Variants in COX16 observed in about 807,000 individuals in gnomAD.
COX16 encodes cytochrome c oxidase assembly factor COX16.
A neutral mutation model predicts 15.4 loss-of-function variants in COX16; 12 were observed. The ratio of observed to expected loss-of-function variants is 0.78; its 90% CI spans 0.50 to 1.26. The LOEUF is 1.26. COX16 is among the 50% of genes most tolerant of loss of function. The pLI, the probability that COX16 is intolerant of heterozygous loss-of-function variation, is 0.00. For synonymous variants in COX16, 46 were observed against 41.1 expected (o/e 1.12, Z -0.46); for missense variants, 124 against 127.6 (o/e 0.97, Z 0.14).
intron 1 of COX16, among the ~76,000 whole-genome samples, chr14:70,355,520 C>G (rs1048522193): frequency 6.6e-6 from 1 of 152,230 alleles, no homozygotes; most frequent in African/African-American, 2.4e-5. Flanking sequence ...CCAGTACCAC[C>G]GGGTGAACAA....
chr14:70,335,882 T>G (rs193284048), intron 2 of COX16, among the ~76,000 whole-genome samples: 13 of 152,132 alleles, frequency 8.5e-5, no homozygotes, highest in South Asian at 4.1e-4. Context: ...TCCACTGATA[T>G]AAAATTCAAA....
At chr14:70,330,340 C>T (rs1886243382) in intron 2 of COX16, among the ~76,000 whole-genome samples, 1 of 152,088 alleles carries the variant, frequency 6.6e-6, no homozygotes, top group Non-Finnish European at 1.5e-5. Flanking sequence ...CAATAGACAA[C>T]CTGAATAGTT....
chr14:70,351,107 C>A (rs1408750589), intron 1 of COX16, among the ~76,000 whole-genome samples: 1 of 152,132 alleles, frequency 6.6e-6, no homozygotes. Context: ...GGGTAGGGAG[C>A]CCTCATTAGG....
At chr14:70,352,672 GTC>G (rs1883897470) in intron 1 of COX16, among the ~76,000 whole-genome samples, 1 of 112,066 alleles carries the variant, frequency 8.9e-6, no homozygotes, top group Non-Finnish European at 1.7e-5. Context: ...TTGAGACAGA[GTC>G]TCGCTCTGTC....
Position 70,326,372 on chromosome 14 carries a change from T to G in COX16, c.282A>C (p.Gln94His). Residue 94 changes from glutamine (Q) to histidine (H), a missense_variant, in exon 4 of 4, where the codon CAA becomes CAC. By Grantham distance (24) the Gln-to-His change is conservative. Coordinates refer to ENST00000389912, the MANE Select transcript of COX16 (RefSeq NM_016468.7). ...PRPWEDPDLL[Q>H]GRNPESLKTK... Reference sequence around the variant, plus strand: ...TCTTAAGGCTTTCTGGATTTCTTCCTTGGAGGAGGTCAGGATCTTCCCAAG... The same window carrying G: ...TCTTAAGGCTTTCTGGATTTCTTCCGTGGAGGAGGTCAGGATCTTCCCAAG... 2 of 1,589,782 alleles carry G rather than the reference T, an allele frequency of 1.3e-6. No homozygotes were observed. Among genetic ancestry groups the G allele is most frequent in the East Asian group, 2.3e-5 (1 of 44,066 alleles).
chr14:70,345,118 C>G (rs1206368593), intron 1 of COX16, among the ~76,000 whole-genome samples: 1 of 152,236 alleles, frequency 6.6e-6, no homozygotes, highest in Admixed American at 6.5e-5. Flanking sequence ...CAGGCCACAG[C>G]AGCCAGACAA....
chr14:70,349,160 G>A (rs1341123698), intron 1 of COX16, among the ~76,000 whole-genome samples: 1 of 152,086 alleles, frequency 6.6e-6, no homozygotes, highest in Non-Finnish European at 1.5e-5. Flanking sequence ...GTTCTCACTT[G>A]TCCTCACCTT....
chr14:70,358,490 C>T (rs1168374977), intron 1 of COX16, among the ~76,000 whole-genome samples: 1 of 148,164 alleles, frequency 6.7e-6, no homozygotes, highest in African/African-American at 2.5e-5. Flanking sequence ...TGTGAGCCAT[C>T]GTGCTTGGCC....
chr14:70,339,840 C>T (rs1051398377), intron 2 of COX16, among the ~76,000 whole-genome samples: 1 of 152,238 alleles, frequency 6.6e-6, no homozygotes, highest in East Asian at 1.9e-4. Flanking sequence ...TCTTCTGATC[C>T]TTCTCACCTC....
chr14:70,346,512 C>G (rs989432698), intron 1 of COX16, among the ~76,000 whole-genome samples: 1 of 152,208 alleles, frequency 6.6e-6, no homozygotes, highest in Non-Finnish European at 1.5e-5. Context: ...TGTGAGCGGC[C>G]CCTGCAAGGG....
intron 3 of COX16, among the ~76,000 whole-genome samples, chr14:70,327,816 C>T (rs942083406): frequency 5.9e-5 from 9 of 152,092 alleles, no homozygotes; most frequent in African/African-American, 2.2e-4. Flanking sequence ...ACAAAACGTG[C>T]ACAGTGGCTG....
At chr14:70,326,539 TAGA>T in intron 3 of COX16, 90 bp from the exon 4 acceptor site, 2 of 968,944 alleles carry the variant, frequency 2.1e-6, no homozygotes, top group Non-Finnish European at 2.8e-6. Flanking sequence ...AATAAATGAG[TAGA>T]AAGTATCCGA....
At chr14:70,341,538 A>G (rs890013992) in intron 2 of COX16, among the ~76,000 whole-genome samples, 1 of 152,210 alleles carries the variant, frequency 6.6e-6, no homozygotes, top group Non-Finnish European at 1.5e-5. Context: ...GAATTTCACA[A>G]TTGTGTGATT....
intron 1 of COX16, among the ~76,000 whole-genome samples, chr14:70,350,556 T>G (rs1225935929): frequency 2.0e-5 from 3 of 152,226 alleles, no homozygotes; most frequent in Admixed American, 6.5e-5. Context: ...AAGAGTTATC[T>G]TCTCCTATGC....
At chr14:70,327,536 G>C (rs549115297) in intron 3 of COX16, among the ~76,000 whole-genome samples, 1 of 151,990 alleles carries the variant, frequency 6.6e-6, no homozygotes, top group African/African-American at 2.4e-5. Context: ...TTCACTTATA[G>C]TTTTACCAGG....
At chr14:70,355,512 A>G (rs1474034098) in intron 1 of COX16, among the ~76,000 whole-genome samples, 1 of 152,192 alleles carries the variant, frequency 6.6e-6, no homozygotes, top group East Asian at 1.9e-4. Context: ...CACGAATCCC[A>G]GTACCACCGG....
intron 2 of COX16, among the ~76,000 whole-genome samples, chr14:70,334,121 GATATACTA>G (rs2140694440): frequency 6.6e-6 from 1 of 152,344 alleles, no homozygotes; most frequent in East Asian, 1.9e-4. Context: ...AATACTGCAT[GATATACTA>G]ATACTGCAAT....
intron 2 of COX16, among the ~76,000 whole-genome samples, chr14:70,333,240 T>C (rs1366660266): frequency 6.6e-6 from 1 of 152,094 alleles, no homozygotes; most frequent in Non-Finnish European, 1.5e-5. Context: ...AATAAGGCAC[T>C]GGAAACCAAC....
intron 2 of COX16, among the ~76,000 whole-genome samples, chr14:70,337,608 AAAC>A (rs1301033977): frequency 6.6e-6 from 1 of 152,132 alleles, no homozygotes; most frequent in Non-Finnish European, 1.5e-5. Flanking sequence ...ATAACTGAAA[AAAC>A]AAGAGAAAAA....
Sources: allele counts gnomAD v4.1 joint callset (sites outside exome capture counted in the v4.1 genomes callset), GRCh38; gene constraint gnomAD v4.1.1; transcripts MANE v1.5; gene names NCBI Gene and HGNC (gene_info 2026-07-23, HGNC 2026-07-21).